MMP1: variants seen among roughly 807,000 people sequenced by gnomAD.
MMP1 encodes the protein interstitial collagenase.
In MMP1, 51 loss-of-function variants were observed where a neutral mutation model predicts 49.6. The observed-to-expected ratio is 1.03, with a 90% CI of 0.82 to 1.30. MMP1 has a LOEUF of 1.30. Ranked by LOEUF, MMP1 falls within the 50% of genes most tolerant of loss-of-function variation. The probability of loss-of-function intolerance (pLI) is 0.00; values close to 1 mark genes in which losing one functional copy is unlikely to be tolerated. For synonymous variants in MMP1, 230 were observed against 196.8 expected, an observed-to-expected ratio of 1.17 and a Z score of -1.41; for missense variants, 623 against 568.7, an observed-to-expected ratio of 1.10 and a Z score of -0.97.
At position 102,790,696 on chromosome 11, in the gene MMP1, C is replaced by T; in HGVS notation, c.1300+7G>A. Reference sequence around the variant, plus strand: ...GAAATGGAGGAAATACATGTATATTCACTTACCATCTTTCATGAAAACTGC... The same window carrying T: ...GAAATGGAGGAAATACATGTATATTTACTTACCATCTTTCATGAAAACTGC... On this transcript the variant is annotated splice_region_variant and intron_variant, in intron 9 of 9. Transcript: ENST00000315274. 1 of 1,584,390 alleles carries T rather than the reference C, an allele frequency of 6.3e-7. No homozygotes were observed.
In MMP1 at chr11:102,797,468, A is replaced by T. The variant is rs1350814524; in HGVS notation, c.138T>A (p.Asn46Lys). 6.2e-7 allele frequency: 1 copy of T among 1,614,146 alleles called. No individual in the cohort carries two copies. The change falls in exon 2 of 10, where the codon AAT (asparagine) becomes AAA (lysine). Residue 46 changes from asparagine (N) to lysine (K), a missense_variant. Physicochemically the swap from Asn to Lys is moderately conservative, Grantham distance 94 (BLOSUM62 0). Transcript: ENST00000315274. ...KYLEKYYNLK[N>K]DGRQVEKRRN... ...TCCGCTTTTCAACTTGCCTCCCATCATTCTTCAGGTTGTAGTATTTTTCCA... is the reference window on the plus strand; with the variant it reads ...TCCGCTTTTCAACTTGCCTCCCATCTTTCTTCAGGTTGTAGTATTTTTCCA...
chr11:102,791,593 T>A, intron 7 of MMP1, 98 bp from the exon 8 acceptor site: 2 of 1,291,128 alleles, frequency 1.5e-6, no homozygotes, highest in African/African-American at 1.5e-5. Context: ...GCTAGTGCAG[T>A]ACCCTGGCTG....
At chr11:102,797,224 A>T (rs569381439) in intron 2 of MMP1, 32 bp downstream of exon 2, 138 of 1,613,688 alleles carry the variant, frequency 8.6e-5, no homozygotes, top group Middle Eastern at 6.6e-4. Context: ...CATGGGAAAT[A>T]GCTCTCTCAC....
At position 102,790,750 on chromosome 11, in the gene MMP1, T is replaced by A. The variant is rs1565459247; in HGVS notation, c.1253A>T (p.Asp418Val). The A allele has an allele frequency of 1.2e-6, 2 of 1,613,640 alleles. No individual in the cohort carries two copies. ...AACTTTGTGGCCAATTCCAGGAAAG[T>A]CATGTGCTATCATTTTGGGATAACC... ...DPGYPKMIAH[D>V]FPGIGHKVDA... Residue 418 changes from aspartate (D) to valine (V), a missense_variant, in exon 9 of 10, where the codon GAC becomes GTC. Transcript: ENST00000315274.
chr11:102,790,369 C>G lies in MMP1; in HGVS notation c.*43G>C. The stretch of plus-strand genomic sequence containing the variant: ...AGACAGTTCTTCAGGAAAACACCTT[C>G]TTTGGACTCACACCATGTGTTTTCC... On this transcript the variant is annotated 3_prime_UTR_variant, in exon 10 of 10. Transcript: ENST00000315274. 8.2e-7 allele frequency: 1 copy of G among 1,218,308 alleles called. No individual in the cohort carries two copies. The highest frequency in any genetic ancestry group is 1.2e-6 in the Non-Finnish European group (1 of 838,866). The allele number at this position is 1,218,308 out of a possible 1,614,324, so 75.5% of individuals were successfully genotyped here.
At chr11:102,790,975 G>A (rs936123189) in intron 8 of MMP1, among the ~76,000 whole-genome samples, 169 bp from the exon 9 acceptor site, 2 of 152,212 alleles carry the variant, frequency 1.3e-5, no homozygotes, top group African/African-American at 4.8e-5. Context: ...GAACTAAAAG[G>A]CCTTTAAGGC....
Position 102,795,444 on chromosome 11 carries a change from A to G in MMP1, c.781+8T>C. The G allele has an allele frequency of 6.2e-7, 1 of 1,612,658 alleles. No individual in the cohort carries two copies. The highest frequency in any genetic ancestry group is 1.1e-5 in the South Asian group (1 of 90,694). ...GCCCTTGTCCGTAATGTTTTTCCCCATACTCACCATATATGGCTTGGATGC... is the reference window on the plus strand; with the variant it reads ...GCCCTTGTCCGTAATGTTTTTCCCCGTACTCACCATATATGGCTTGGATGC... On this transcript the variant is annotated splice_region_variant and intron_variant, in intron 5 of 9. Transcript: ENST00000315274.
Position 102,796,722 on chromosome 11 carries a change from TG to T in MMP1, c.566del (p.Pro189GlnfsTer47), listed in dbSNP as rs1858201796. On this transcript the variant is annotated frameshift_variant, in exon 4 of 10. Transcript: ENST00000315274. LOFTEE classifies it high-confidence loss of function. ...GNLAHAFQPG[P>X]GIGGDAHFDE... ...CAAAATGAGCATCCCCTCCAATACC[TG>T]GGCCTGGTTGAAAAGCATGAGCAAG... is the stretch of plus-strand genomic sequence containing the variant. 1 of 1,613,920 alleles carries T rather than the reference TG, an allele frequency of 6.2e-7. No individual in the cohort carries two copies. The highest frequency in any genetic ancestry group is 1.3e-5 in the African/African-American group (1 of 74,916).
chr11:102,795,859 C>T (rs1858173641), intron 4 of MMP1, among the ~76,000 whole-genome samples: 1 of 152,206 alleles, frequency 6.6e-6, no homozygotes, highest in Admixed American at 6.5e-5. Flanking sequence ...ACTGAAAGCG[C>T]ACCACAGATT....
In MMP1 at chr11:102,792,752, A is replaced by G; in HGVS notation, c.900-14T>C. 1 of 1,539,868 alleles carries G rather than the reference A, an allele frequency of 6.5e-7. No individual in the cohort carries two copies. Among genetic ancestry groups the G allele is most frequent in the African/African-American group, 1.4e-5 (1 of 73,274 alleles). On this transcript the variant is annotated splice_polypyrimidine_tract_variant and intron_variant, in intron 6 of 9. Coordinates refer to ENST00000315274, the MANE Select transcript of MMP1 (RefSeq NM_002421.4). ...CGCATGTAGAATCTGATTAGAAAAAAAGCAAGAAAAGTTTCCATCTAATTT... is the reference window on the plus strand; with the variant it reads ...CGCATGTAGAATCTGATTAGAAAAAGAGCAAGAAAAGTTTCCATCTAATTT...
In MMP1 at chr11:102,790,640, C is replaced by T. The variant is rs17879960; in HGVS notation, c.1300+63G>A. 8,387 of 1,373,750 alleles carry T rather than the reference C, an allele frequency of 6.1e-3. 78 individuals carry two copies. The highest frequency in any genetic ancestry group is 0.036 in the Admixed American group (2,103 of 58,808). The allele number at this position is 1,373,750 out of a possible 1,614,324, so 85.1% of individuals were successfully genotyped here. A position where few individuals can be genotyped will look rare whatever the true frequency, so the allele number is the denominator to read the frequency against. On this transcript the variant is annotated intron_variant, in intron 9 of 9. Coordinates refer to ENST00000315274, the MANE Select transcript of MMP1 (RefSeq NM_002421.4). Reference sequence around the variant, plus strand: ...ATATTTTTGGCATTTGCTGTTCCAACTAACAATAATGATGTTATTGCTACG... The same window carrying T: ...ATATTTTTGGCATTTGCTGTTCCAATTAACAATAATGATGTTATTGCTACG...
At chr11:102,792,065 C>T (rs535674124) in intron 7 of MMP1, among the ~76,000 whole-genome samples, 1 of 152,314 alleles carries the variant, frequency 6.6e-6, no homozygotes, top group African/African-American at 2.4e-5. Flanking sequence ...TTACTGTACA[C>T]ACGTGCTATT....
chr11:102,791,465 T>C lies in MMP1; in HGVS notation c.1064A>G (p.Asn355Ser). The change falls in exon 8 of 10, where the codon AAT (asparagine) becomes AGT (serine). Residue 355 changes from asparagine to serine, a missense_variant. Physicochemically the swap from Asn to Ser is conservative, Grantham distance 46. Coordinates refer to ENST00000315274, the MANE Select transcript of MMP1 (RefSeq NM_002421.4). ...GTCCTTGGGGTATCCGTGTAGCACATTCTGTCCCTGAACAGCCCAGTACTT... is the reference window on the plus strand; with the variant it reads ...GTCCTTGGGGTATCCGTGTAGCACACTCTGTCCCTGAACAGCCCAGTACTT... ...GNKYWAVQGQ[N>S]VLHGYPKDIY... 6.2e-7 allele frequency: 1 copy of C among 1,613,978 alleles called. No homozygotes were observed. Among genetic ancestry groups the C allele is most frequent in the Non-Finnish European group, 8.5e-7 (1 of 1,179,842 alleles).
intron 1 of MMP1, 111 bp downstream of exon 1, chr11:102,797,872 CAAAAA>C: frequency 1.6e-6 from 1 of 637,344 alleles, no homozygotes; most frequent in Non-Finnish European, 2.5e-6. Flanking sequence ...CTGTTTCTAG[CAAAAA>C]AAAAAAAAAT....
At position 102,792,721 on chromosome 11, in the gene MMP1, T is replaced by C. The variant is rs758477901; in HGVS notation, c.917A>G (p.Asn306Ser). 5.0e-6 allele frequency: 8 copies of C among 1,613,192 alleles called. No homozygotes were observed. Among genetic ancestry groups the C allele is most frequent in the South Asian group, 1.1e-5 (1 of 90,974 alleles). ...FFKDRFYMRTNPFYPEVELNF... is the reference protein window; with the variant it reads ...FFKDRFYMRTSPFYPEVELNF... ...GAGCTCAACTTCCGGGTAGAAGGGA[T>C]TTGTGCGCATGTAGAATCTGATTAG... The change falls in exon 7 of 10, where the codon AAT becomes AGT. Residue 306 changes from asparagine (N) to serine (S), a missense_variant. Asn to Ser is a conservative substitution (Grantham distance 46). Transcript: ENST00000315274.
In MMP1 at chr11:102,791,498, G is replaced by A; in HGVS notation, c.1034-3C>T. The A allele has an allele frequency of 6.2e-7, 1 of 1,611,390 alleles. No individual in the cohort carries two copies. The highest frequency in any genetic ancestry group is 8.5e-7 in the Non-Finnish European group (1 of 1,178,944). Reference sequence around the variant, plus strand: ...CTGAACAGCCCAGTACTTATTCCCTGCCAATCAAGAAAGAGTGATAAAACA... The same window carrying A: ...CTGAACAGCCCAGTACTTATTCCCTACCAATCAAGAAAGAGTGATAAAACA... On this transcript the variant is annotated splice_region_variant and splice_polypyrimidine_tract_variant and intron_variant, in intron 7 of 9. Transcript: ENST00000315274.
rs1162828358 is a variant in MMP1, at chr11:102,795,594, A to G, written c.639T>C (p.His213=). Residue 213 remains histidine, a synonymous_variant, in exon 5 of 10, where the codon CAT becomes CAC. Transcript: ENST00000315274. ...GGCCGAGTTCATGAGCTGCAACACG[A>G]TGTAAGTTGTACTCTAAAAAGGCCA... ...WTNNFREYNL[H]RVAAHELGHS... 1.2e-6 allele frequency: 2 copies of G among 1,610,664 alleles called. No individual in the cohort carries two copies. The highest frequency in any genetic ancestry group is 1.7e-6 in the Non-Finnish European group (2 of 1,179,166).
chr11:102,791,397 C>T lies in MMP1; in HGVS notation c.1132G>A (p.Asp378Asn), dbSNP rs745361439. ...FGFPRTVKHI[D>N]AALSEENTGK... ...GTGTTTTCCTCAGAAAGAGCAGCAT[C>T]GATATGCTTCACAGTTCTAGGGAAG... is the stretch of plus-strand genomic sequence containing the variant. Residue 378 changes from aspartate (D) to asparagine (N), a missense_variant, in exon 8 of 10, where the codon GAT (aspartate) becomes AAT (asparagine). By Grantham distance (23) the Asp-to-Asn change is conservative. Transcript: ENST00000315274. 1.4e-5 allele frequency: 22 copies of T among 1,613,910 alleles called. No individual in the cohort carries two copies. In the Admixed American group the frequency reaches 1.7e-4, roughly 12 times the overall value.
rs1858125491 is a variant in MMP1 at position 102,794,530 on chromosome 11, G to A, written c.899+644C>T. Among the ~76,000 whole-genome samples, 1 of 152,152 alleles carries A rather than the reference G, an allele frequency of 6.6e-6. No homozygotes were observed. Among genetic ancestry groups the A allele is most frequent in the African/African-American group, 2.4e-5 (1 of 41,426 alleles). ...GTTCTAGGATTCTTCTTTGAAGAGGGAAGCACCATGTTGTGGCTGCCCCTA... is the reference window on the plus strand; with the variant it reads ...GTTCTAGGATTCTTCTTTGAAGAGGAAAGCACCATGTTGTGGCTGCCCCTA... On this transcript the variant is annotated intron_variant, in intron 6 of 9. Coordinates refer to ENST00000315274, the MANE Select transcript of MMP1 (RefSeq NM_002421.4). This position sits in a 1 kb window ranked among gnomAD's most constrained non-coding sequence, Gnocchi z 4.3.
Sources: gnomAD v4.1 joint callset for allele counts (sites outside exome capture counted in the v4.1 genomes callset) on GRCh38, gnomAD v4.1.1 for gene constraint, Gnocchi (gnomAD v3.1) non-coding constraint, MANE v1.5 for transcripts, NCBI Gene and HGNC (gene_info 2026-07-23, HGNC 2026-07-21) for gene names.